The following PAPPA2 variants were observed in gnomAD, a reference collection of about 807,000 sequenced individuals.
PAPPA2 encodes pappalysin 2.
A neutral mutation model predicts 176.4 loss-of-function variants in PAPPA2; 86 were observed. That is an observed-to-expected ratio of 0.49 (90% CI 0.41 to 0.58). PAPPA2 has a LOEUF of 0.58. PAPPA2 is among the 20% of genes least tolerant of loss of function. The pLI, the probability that PAPPA2 is intolerant of heterozygous loss-of-function variation, is 0.00. For synonymous variants in PAPPA2, 809 were observed against 852.2 expected, an observed-to-expected ratio of 0.95 and a Z score of 0.88; for missense variants, 2,073 against 2,256.9, an observed-to-expected ratio of 0.92 and a Z score of 1.65.
intron 17 of PAPPA2, among the ~76,000 whole-genome samples, chr1:176,788,815 A>G (rs1557872139): frequency 6.6e-6 from 1 of 152,216 alleles, no homozygotes; most frequent in Non-Finnish European, 1.5e-5. Flanking sequence ...AAACTTGTAA[A>G]CAAATGGAGC....
intron 14 of PAPPA2, among the ~76,000 whole-genome samples, chr1:176,765,138 A>G (rs1663905932): frequency 6.6e-6 from 1 of 152,246 alleles, no homozygotes; most frequent in Non-Finnish European, 1.5e-5. Flanking sequence ...AAATATTTCC[A>G]TACCAATCGG....
chr1:176,561,786 C>A (rs947011377), intron 2 of PAPPA2, among the ~76,000 whole-genome samples: 1 of 152,106 alleles, frequency 6.6e-6, no homozygotes, highest in Non-Finnish European at 1.5e-5. Flanking sequence ...TGTTCTCAAG[C>A]TGCTGATAAA....
At chr1:176,823,129 C>T (rs1377562582) in intron 21 of PAPPA2, among the ~76,000 whole-genome samples, 2 of 152,192 alleles carry the variant, frequency 1.3e-5, no homozygotes, top group African/African-American at 4.8e-5. Context: ...TTTCCAGCCT[C>T]CTGAAACATT....
intron 21 of PAPPA2, among the ~76,000 whole-genome samples, chr1:176,814,807 C>T (rs1666310640): frequency 6.6e-6 from 1 of 152,192 alleles, no homozygotes; most frequent in African/African-American, 2.4e-5. Flanking sequence ...CTGGCCAGAA[C>T]TTTCAATACT....
Position 176,844,512 on chromosome 1 carries a change from C to T in PAPPA2, c.*2058C>T, listed in dbSNP as rs1557909224. The T allele has an allele frequency of 6.6e-6, 1 of 152,066 alleles. No individual in the cohort carries two copies. The highest frequency in any genetic ancestry group is 2.4e-5 in the African/African-American group (1 of 41,406). 9.4% of individuals were successfully genotyped at this position (152,066 alleles called of 1,614,324 possible). A position where few individuals can be genotyped will look rare whatever the true frequency, so the allele number is the denominator to read the frequency against. ...GCAGAGTTCACCCATTCAAAAAAAA[C>T]CTTTTGTCTACTAATCTCTAGTGTA... On this transcript the variant is annotated 3_prime_UTR_variant, in exon 23 of 23. Coordinates refer to ENST00000367662, the MANE Select transcript of PAPPA2 (RefSeq NM_020318.3).
chr1:176,778,074 A>G (rs1000920703), intron 17 of PAPPA2, among the ~76,000 whole-genome samples: 3 of 151,926 alleles, frequency 2.0e-5, no homozygotes, highest in Admixed American at 2.0e-4. Context: ...CACAGAGTCC[A>G]GGAAGACTGG....
intron 1 of PAPPA2, among the ~76,000 whole-genome samples, chr1:176,492,627 G>A (rs1647352300): frequency 6.6e-6 from 1 of 152,176 alleles, no homozygotes; most frequent in Non-Finnish European, 1.5e-5. Flanking sequence ...TGAGTGTGGT[G>A]GGGGTAGTGG....
intron 1 of PAPPA2, among the ~76,000 whole-genome samples, chr1:176,476,749 A>G (rs1223230581): frequency 7.2e-5 from 11 of 152,256 alleles, no homozygotes; most frequent in Non-Finnish European, 7.3e-5. Context: ...AAAGATTTAA[A>G]CAATGACAGA....
chr1:176,647,081 C>G (rs771809906), intron 3 of PAPPA2, among the ~76,000 whole-genome samples: 3 of 151,380 alleles, frequency 2.0e-5, no homozygotes, highest in Non-Finnish European at 4.4e-5. Flanking sequence ...TTTTTATTGC[C>G]TCACTTTTGG....
At position 176,482,996 on chromosome 1, in the gene PAPPA2, T is replaced by C. The variant is rs188100344; in HGVS notation, c.-917+19578T>C. ...CATGAATTGAGGGCAAGATGCTGCA[T>C]GGTAAAGGTGACGGATGCCCTTTTC... On this transcript the variant is annotated intron_variant, in intron 1 of 22. Transcript: ENST00000367662. Among the ~76,000 whole-genome samples the C allele has an allele frequency of 2.8e-3, 427 of 152,316 alleles. 2 individuals are homozygous for C. Among genetic ancestry groups the C allele is most frequent in the South Asian group, 5.2e-3 (25 of 4,824 alleles).
At chr1:176,659,309 C>G (rs1369368475) in intron 3 of PAPPA2, among the ~76,000 whole-genome samples, 1 of 152,014 alleles carries the variant, frequency 6.6e-6, no homozygotes, top group African/African-American at 2.4e-5. Flanking sequence ...GAGGGAGATT[C>G]TGTCCCAGGC....
At chr1:176,657,545 G>C (rs189398834) in intron 3 of PAPPA2, among the ~76,000 whole-genome samples, 1 of 152,106 alleles carries the variant, frequency 6.6e-6, no homozygotes, top group African/African-American at 2.4e-5. Flanking sequence ...GGTGTGGTTG[G>C]ATTTAAGAGA....
chr1:176,670,874 C>A, intron 3 of PAPPA2, 96 bp from the exon 4 acceptor site: 1 of 1,485,362 alleles, frequency 6.7e-7, no homozygotes, highest in South Asian at 1.2e-5. Flanking sequence ...GTAATGCTGG[C>A]TGGGAGTGCC....
At chr1:176,578,363 C>T (rs900439679) in intron 2 of PAPPA2, among the ~76,000 whole-genome samples, 4 of 152,136 alleles carry the variant, frequency 2.6e-5, no homozygotes, top group African/African-American at 4.8e-5. Flanking sequence ...GGGGCGTGCT[C>T]GGTCCCCTTG....
chr1:176,822,353 G>A (rs1015058883), intron 21 of PAPPA2, among the ~76,000 whole-genome samples: 3 of 152,142 alleles, frequency 2.0e-5, no homozygotes, highest in Admixed American at 1.3e-4. Context: ...TTTGGAAGCT[G>A]AGTATCTTTC....
chr1:176,533,563 C>T (rs751285522), intron 1 of PAPPA2, among the ~76,000 whole-genome samples: 3 of 152,324 alleles, frequency 2.0e-5, no homozygotes, highest in Admixed American at 1.3e-4. Context: ...TAGCTGGAGG[C>T]GTGAGGATGT....
At chr1:176,583,483 C>G (rs1313721286) in intron 2 of PAPPA2, among the ~76,000 whole-genome samples, 1 of 152,074 alleles carries the variant, frequency 6.6e-6, no homozygotes, top group African/African-American at 2.4e-5. Context: ...ATTAGATATT[C>G]AGGAGTATGT....
intron 12 of PAPPA2, among the ~76,000 whole-genome samples, chr1:176,730,436 A>C (rs1016262788): frequency 6.6e-6 from 1 of 151,636 alleles, no homozygotes; most frequent in Non-Finnish European, 1.5e-5. Flanking sequence ...TTTCAACTCT[A>C]TTTTAGCTGT....
intron 19 of PAPPA2, among the ~76,000 whole-genome samples, 188 bp downstream of exon 19, chr1:176,791,670 C>T (rs6425396): frequency 0.41 from 61,952 of 152,012 alleles, 14,068 homozygotes; most frequent in African/African-American, 0.6. Flanking sequence ...TCTCCTGCCT[C>T]AGCCTCCCAA....
Sources: allele counts gnomAD v4.1 joint callset (sites outside exome capture counted in the v4.1 genomes callset), GRCh38; gene constraint gnomAD v4.1.1; transcripts MANE v1.5; gene names NCBI Gene and HGNC (gene_info 2026-07-23, HGNC 2026-07-21).